Variants in RORB observed in about 807,000 individuals in gnomAD.
RORB encodes RAR related orphan receptor B.
A neutral mutation model predicts 59.1 loss-of-function variants in RORB; 6 were observed. The observed-to-expected ratio is 0.10, with a 90% confidence interval of 0.06 to 0.20. The LOEUF (loss-of-function observed/expected upper bound fraction) is 0.20. RORB is among the 10% of genes least tolerant of loss of function. RORB has a pLI of 1.00. For missense variants in RORB, 320 were observed against 560.5 expected (o/e 0.57, Z 4.33); for synonymous variants, 215 against 204.5 (o/e 1.05, Z -0.44).
In RORB at chr9:74,557,957, C is replaced by T. The variant is rs181692641; in HGVS notation, c.7+59974C>T. ...TTTTAAGTTTATACAACTTAAGATA[C>T]GACAACCAATTACTGTATAAAATTT... is the stretch of plus-strand genomic sequence containing the variant. On this transcript the variant is annotated intron_variant, in intron 1 of 9. Coordinates refer to ENST00000376896, the MANE Select transcript of RORB (RefSeq NM_006914.4). Among the ~76,000 whole-genome samples, 519 of 152,068 alleles carry T rather than the reference C, an allele frequency of 3.4e-3. 4 individuals carry two copies. The highest frequency in any genetic ancestry group is 0.011 in the African/African-American group (447 of 41,448).
At chr9:74,531,256 A>G (rs1299340187) in intron 1 of RORB, among the ~76,000 whole-genome samples, 1 of 151,992 alleles carries the variant, frequency 6.6e-6, no homozygotes, top group Non-Finnish European at 1.5e-5. Context: ...AGCGACAATG[A>G]TTGATCAAAG....
Position 74,689,224 on chromosome 9 carries a change from C to T in RORB, c.*3606C>T, listed in dbSNP as rs1056129091. On this transcript the variant is annotated 3_prime_UTR_variant, in exon 10 of 10. Transcript: ENST00000376896. Reference sequence around the variant, plus strand: ...GTTCAAGCGATTCTCCTGCTTCAGCCTCCTGAGTAGCTGGGATTACAGGCA... The same window carrying T: ...GTTCAAGCGATTCTCCTGCTTCAGCTTCCTGAGTAGCTGGGATTACAGGCA... The T allele has an allele frequency of 4.6e-5, 7 of 152,550 alleles. No individual in the cohort carries two copies. The highest frequency in any genetic ancestry group is 1.4e-4 in the African/African-American group (6 of 41,468). 9.4% of individuals were successfully genotyped at this position (152,550 alleles called of 1,614,324 possible).
At chr9:74,627,285 C>T (rs1055760957) in intron 1 of RORB, among the ~76,000 whole-genome samples, 1 of 151,892 alleles carries the variant, frequency 6.6e-6, no homozygotes, top group Non-Finnish European at 1.5e-5. Context: ...TATCATAAAC[C>T]TCGGATGATT....
rs563261836 is a variant in RORB, at chr9:74,590,747, TC to T, written c.8-39534del. 1.2e-4 allele frequency among the ~76,000 whole-genome samples: 19 copies of T among 152,310 alleles called. 1 individual carries two copies. The South Asian group carries it at 3.9e-3, about 32-fold the overall frequency. On this transcript the variant is annotated intron_variant, in intron 1 of 9. Transcript: ENST00000376896. The stretch of plus-strand genomic sequence containing the variant: ...TTTAGGAGATATTTGTATTTTCACT[TC>T]AAAAATCTTCCTAATCTGTTTTTTT...
intron 1 of RORB, among the ~76,000 whole-genome samples, chr9:74,592,908 A>G (rs1401540773): frequency 6.6e-6 from 1 of 151,964 alleles, no homozygotes; most frequent in African/African-American, 2.4e-5. Flanking sequence ...GGGTGAGGAG[A>G]GCTAGGGGAA....
intron 1 of RORB, among the ~76,000 whole-genome samples, chr9:74,593,366 T>G (rs1822928273): frequency 1.3e-5 from 2 of 150,750 alleles, no homozygotes; most frequent in Admixed American, 1.3e-4. Context: ...CTTGGGAGGC[T>G]GAGGAATGAG....
At chr9:74,548,732 A>C (rs921666379) in intron 1 of RORB, among the ~76,000 whole-genome samples, 2 of 152,216 alleles carry the variant, frequency 1.3e-5, no homozygotes, top group Admixed American at 1.3e-4. Flanking sequence ...AAACATAAAG[A>C]AAAAATAAAC....
chr9:74,570,937 G>A (rs1254340955), intron 1 of RORB, among the ~76,000 whole-genome samples: 1 of 150,670 alleles, frequency 6.6e-6, no homozygotes, highest in Admixed American at 6.6e-5. Context: ...TAAATTCTGG[G>A]AATCACACTA....
intron 4 of RORB, among the ~76,000 whole-genome samples, chr9:74,659,481 C>CTT (rs1554673651): frequency 8.6e-5 from 13 of 151,980 alleles, no homozygotes; most frequent in Middle Eastern, 6.8e-3. Flanking sequence ...TCACAGCAGG[C>CTT]TTGTTTTGTT....
At chr9:74,583,906 T>A (rs1000113724) in intron 1 of RORB, among the ~76,000 whole-genome samples, 1 of 152,180 alleles carries the variant, frequency 6.6e-6, no homozygotes, top group Non-Finnish European at 1.5e-5. Context: ...GAAAATAAGC[T>A]CACTAGCAGA....
intron 1 of RORB, among the ~76,000 whole-genome samples, chr9:74,514,790 G>T (rs1450643599): frequency 6.6e-6 from 1 of 151,088 alleles, no homozygotes; most frequent in Non-Finnish European, 1.5e-5. Flanking sequence ...GTACTAGGCA[G>T]CTTGACCACA....
At chr9:74,671,757 T>C (rs1156372861) in intron 8 of RORB, 32 bp from the exon 9 acceptor site, 13 of 1,366,056 alleles carry the variant, frequency 9.5e-6, no homozygotes, top group Admixed American at 1.8e-5. Flanking sequence ...AAGTTGATGT[T>C]CCCTCCACTT....
intron 1 of RORB, among the ~76,000 whole-genome samples, chr9:74,532,171 A>G (rs947925417): frequency 3.3e-5 from 5 of 152,074 alleles, no homozygotes; most frequent in African/African-American, 9.7e-5. Flanking sequence ...TAGTATTTAT[A>G]TAATTATTTC....
At position 74,627,160 on chromosome 9, in the gene RORB, C is replaced by CAAA. The variant is rs5898367; in HGVS notation, c.8-3109_8-3107dup. ...CTGGCAACAGAGCAAGACTCCATCT[C>CAAA]AAAAAAAAAAAAAAAGTATAAACTA... On this transcript the variant is annotated intron_variant, in intron 1 of 9. Coordinates refer to ENST00000376896, the MANE Select transcript of RORB (RefSeq NM_006914.4). 1.5e-4 allele frequency among the ~76,000 whole-genome samples: 20 copies of CAAA among 132,780 alleles called. 1 individual carries two copies. The highest frequency in any genetic ancestry group is 2.4e-4 in the South Asian group (1 of 4,092). The allele number at this position is 132,780 out of a possible 152,430, so 87.1% of individuals were successfully genotyped here.
intron 1 of RORB, among the ~76,000 whole-genome samples, chr9:74,527,859 G>A (rs992314646): frequency 3.3e-5 from 5 of 151,974 alleles, no homozygotes; most frequent in African/African-American, 9.7e-5. Flanking sequence ...TATCTCACCA[G>A]CAGCGTGTTT....
chr9:74,541,068 G>C (rs891862685), intron 1 of RORB, among the ~76,000 whole-genome samples: 1 of 151,824 alleles, frequency 6.6e-6, no homozygotes, highest in Non-Finnish European at 1.5e-5. Flanking sequence ...ATCACCTGAG[G>C]TCAGGAGTTC....
chr9:74,619,388 T>C (rs537035366), intron 1 of RORB, among the ~76,000 whole-genome samples: 14 of 152,210 alleles, frequency 9.2e-5, no homozygotes, highest in Non-Finnish European at 1.6e-4. Flanking sequence ...ATAGTATTCA[T>C]TGTGAAGACA....
intron 1 of RORB, among the ~76,000 whole-genome samples, chr9:74,503,309 G>C (rs1825826310): frequency 6.6e-6 from 1 of 151,972 alleles, no homozygotes; most frequent in East Asian, 1.9e-4. Flanking sequence ...AGAATCCCCA[G>C]CAGATAATAG....
At chr9:74,576,958 T>C (rs550114706) in intron 1 of RORB, among the ~76,000 whole-genome samples, 2 of 152,210 alleles carry the variant, frequency 1.3e-5, no homozygotes, top group South Asian at 4.1e-4. Flanking sequence ...CCAGTTTTCA[T>C]GTCCAGGCAG....
Sources: gnomAD v4.1 joint callset for allele counts (sites outside exome capture counted in the v4.1 genomes callset) on GRCh38, gnomAD v4.1.1 for gene constraint, MANE v1.5 for transcripts, NCBI Gene and HGNC (gene_info 2026-07-23, HGNC 2026-07-21) for gene names.